The following LAMP1 variants were observed in gnomAD, a reference collection of about 807,000 sequenced individuals.
The protein encoded by LAMP1 is lysosome-associated membrane glycoprotein 1.
LAMP1 carries 7 observed loss-of-function variants against 37.5 expected under a neutral mutation model. The observed-to-expected ratio is 0.19, with a 90% CI of 0.11 to 0.35. The LOEUF is 0.35. Among genes scored for constraint, LAMP1 ranks in the 10% least tolerant of loss-of-function variants. The pLI is 1.00. For synonymous variants in LAMP1, 236 were observed against 229.1 expected, an observed-to-expected ratio of 1.03 and a Z score of -0.27; for missense variants, 537 against 552.8, an observed-to-expected ratio of 0.97 and a Z score of 0.29.
chr13:113,322,320 C>G lies in LAMP1; in HGVS notation c.1153C>G (p.Pro385Ala), dbSNP rs984064249. The G allele has an allele frequency of 6.2e-7, 1 of 1,613,782 alleles. No homozygotes were observed. The highest frequency in any genetic ancestry group is 8.5e-7 in the Non-Finnish European group (1 of 1,179,938). The change falls in exon 9 of 9, where the codon CCC (proline) becomes GCC (alanine). Residue 385 changes from proline to alanine, a missense_variant. Coordinates refer to ENST00000332556, the MANE Select transcript of LAMP1 (RefSeq NM_005561.4). ...GCTGGACGAGAACAGCATGCTGATC[C>G]CCATCGCTGTGGGTGGTGCCCTGGC... ...CLLDENSMLIPIAVGGALAGL... is the reference protein window; with the variant it reads ...CLLDENSMLIAIAVGGALAGL...
At chr13:113,310,930 G>A (rs887440030) in intron 4 of LAMP1, 63 bp downstream of exon 4, 48 of 1,416,144 alleles carry the variant, frequency 3.4e-5, no homozygotes, top group Non-Finnish European at 4.3e-5. Flanking sequence ...CAGTGGCTGC[G>A]GGTGACCTCA....
chr13:113,307,825 G>A (rs757676307), intron 2 of LAMP1, among the ~76,000 whole-genome samples: 75 of 149,562 alleles, frequency 5.0e-4, no homozygotes, highest in African/African-American at 1.4e-3. Context: ...CAGACATGGT[G>A]GAGTGTGCCT....
At position 113,322,334 on chromosome 13, in the gene LAMP1, T is replaced by C. The variant is rs1336691652; in HGVS notation, c.1167T>C (p.Gly389=). The change falls in exon 9 of 9, where the codon GGT becomes GGC. Residue 389 remains glycine (G), a synonymous_variant. Transcript: ENST00000332556. ...GCATGCTGATCCCCATCGCTGTGGG[T>C]GGTGCCCTGGCGGGGCTGGTCCTCA... ...ENSMLIPIAV[G]GALAGLVLIV... is the part of the protein sequence containing the mutation. 5 of 1,613,802 alleles carry C rather than the reference T, an allele frequency of 3.1e-6. No homozygotes were observed. Among genetic ancestry groups the C allele is most frequent in the Non-Finnish European group, 3.4e-6 (4 of 1,179,938 alleles).
rs2042618701 is a variant in LAMP1, at chr13:113,309,672, C to T, written c.213C>T (p.Ala71=). ...TGACCTTTGACCTGCCATCAGATGCCACAGTGGTGCTCAACCGCAGCTCCT... is the reference window on the plus strand; with the variant it reads ...TGACCTTTGACCTGCCATCAGATGCTACAGTGGTGCTCAACCGCAGCTCCT... ...KNMTFDLPSD[A]TVVLNRSSCG... Residue 71 remains alanine, a synonymous_variant, in exon 3 of 9, where the codon GCC becomes GCT. Transcript: ENST00000332556. The T allele has an allele frequency of 6.2e-7, 1 of 1,613,940 alleles. No homozygotes were observed. The highest frequency in any genetic ancestry group is 1.1e-5 in the South Asian group (1 of 91,076).
At chr13:113,315,458 C>T (rs188345537) in intron 4 of LAMP1, among the ~76,000 whole-genome samples, 150 of 135,448 alleles carry the variant, frequency 1.1e-3, no homozygotes, top group African/African-American at 3.8e-3. Context: ...GGTGCCATCT[C>T]GGCTCACTGC....
intron 4 of LAMP1, among the ~76,000 whole-genome samples, chr13:113,311,202 T>G (rs13378911): frequency 0.055 from 8,310 of 152,124 alleles, 623 homozygotes; most frequent in African/African-American, 0.16. Flanking sequence ...GGGCTGGGGT[T>G]AAGTTGGTCA....
intron 4 of LAMP1, among the ~76,000 whole-genome samples, chr13:113,318,788 C>G (rs1250966942): frequency 6.6e-6 from 1 of 152,072 alleles, no homozygotes; most frequent in East Asian, 1.9e-4. Context: ...TTGCCCATCC[C>G]CCACAGCCCC....
intron 4 of LAMP1, among the ~76,000 whole-genome samples, chr13:113,313,263 G>A (rs2042640970): frequency 6.6e-6 from 1 of 152,178 alleles, no homozygotes; most frequent in African/African-American, 2.4e-5. Context: ...AGGCTTCACA[G>A]GTCCAGAGAA....
chr13:113,306,477 A>C lies in LAMP1; in HGVS notation c.62-8A>C, dbSNP rs1595458337. On this transcript the variant is annotated splice_region_variant and splice_polypyrimidine_tract_variant and intron_variant, in intron 1 of 8. Transcript: ENST00000332556. ...TTTGATGGTCTCCGTCTTCCCTGGA[A>C]TTGACAGGCCTCATGCATTGTGCGT... 6.2e-7 allele frequency: 1 copy of C among 1,612,648 alleles called. No homozygotes were observed. Among genetic ancestry groups the C allele is most frequent in the East Asian group, 2.2e-5 (1 of 44,824 alleles).
In LAMP1 at chr13:113,320,558, G is replaced by C; in HGVS notation, c.876+88G>C. On this transcript the variant is annotated intron_variant, in intron 6 of 8. Transcript: ENST00000332556. The surrounding 1 kb of genome is among the most constrained non-coding windows in gnomAD (Gnocchi z 4.4). ...CCTGGGTCTGCTCATGGGAGGCAGC[G>C]TTAGGAAGGAGGCGGCCTCACTTTT... 1.4e-6 allele frequency: 2 copies of C among 1,444,964 alleles called. No individual in the cohort carries two copies. Among genetic ancestry groups the C allele is most frequent in the Non-Finnish European group, 1.9e-6 (2 of 1,067,284 alleles). The allele number at this position is 1,444,964 out of a possible 1,614,324, so 89.5% of individuals were successfully genotyped here. A position where few individuals can be genotyped will look rare whatever the true frequency, so the allele number is the denominator to read the frequency against.
chr13:113,300,099 C>T (rs968977378), intron 1 of LAMP1, among the ~76,000 whole-genome samples: 30 of 152,138 alleles, frequency 2.0e-4, no homozygotes, highest in Non-Finnish European at 2.9e-5. Flanking sequence ...GCTGTGATTG[C>T]GTAATGTGAC....
chr13:113,322,343 G>C lies in LAMP1; in HGVS notation c.1176G>C (p.Leu392=). ...MLIPIAVGGA[L]AGLVLIVLIA... ...TCCCCATCGCTGTGGGTGGTGCCCTGGCGGGGCTGGTCCTCATCGTCCTCA... is the reference window on the plus strand; with the variant it reads ...TCCCCATCGCTGTGGGTGGTGCCCTCGCGGGGCTGGTCCTCATCGTCCTCA... The change falls in exon 9 of 9, where the codon CTG becomes CTC. Residue 392 remains leucine, a synonymous_variant. Transcript: ENST00000332556. The C allele has an allele frequency of 6.2e-7, 1 of 1,605,982 alleles. No individual in the cohort carries two copies. The highest frequency in any genetic ancestry group is 1.3e-5 in the African/African-American group (1 of 74,624).
At chr13:113,322,005 C>T (rs1321696012) in intron 8 of LAMP1, 5 of 586,452 alleles carry the variant, frequency 8.5e-6, no homozygotes, top group Admixed American at 6.2e-5. Flanking sequence ...GAATACAACA[C>T]TGTCATCTGA....
intron 3 of LAMP1, among the ~76,000 whole-genome samples, chr13:113,310,218 G>T (rs948823757): frequency 1.3e-5 from 2 of 151,316 alleles, no homozygotes; most frequent in Non-Finnish European, 2.9e-5. Context: ...GACCAAGTGA[G>T]ACTGTCTCTA....
chr13:113,308,966 G>T (rs377199419), intron 2 of LAMP1, among the ~76,000 whole-genome samples: 4 of 152,230 alleles, frequency 2.6e-5, no homozygotes, highest in African/African-American at 9.6e-5. Flanking sequence ...TTATTTAAAT[G>T]AACATTTCTA....
In LAMP1 at chr13:113,320,717, T is replaced by C. The variant is rs1313027035; in HGVS notation, c.876+247T>C. On this transcript the variant is annotated intron_variant, in intron 6 of 8. Transcript: ENST00000332556. The surrounding 1 kb of genome is among the most constrained non-coding windows in gnomAD (Gnocchi z 4.4). ...GTTGGAGTGGCTGCAGGGGAGGGCA[T>C]GCAGGCCGTGCGGCCTTCTGGCTTC... is the stretch of plus-strand genomic sequence containing the variant. 4.0e-6 allele frequency: 2 copies of C among 504,060 alleles called. No individual in the cohort carries two copies. The highest frequency in any genetic ancestry group is 7.1e-6 in the Non-Finnish European group (2 of 281,816). 31.2% of individuals were successfully genotyped at this position (504,060 alleles called of 1,614,324 possible).
chr13:113,319,460 C>A lies in LAMP1; in HGVS notation c.563-9C>A. 6.3e-7 allele frequency: 1 copy of A among 1,598,494 alleles called. No individual in the cohort carries two copies. The highest frequency in any genetic ancestry group is 8.5e-7 in the Non-Finnish European group (1 of 1,170,318). Reference sequence around the variant, plus strand: ...CCCAGACCTGAATCTCCCTCCACTGCACCTGCAGAGACACGCTGTGAACAA... The same window carrying A: ...CCCAGACCTGAATCTCCCTCCACTGAACCTGCAGAGACACGCTGTGAACAA... On this transcript the variant is annotated splice_polypyrimidine_tract_variant and intron_variant, in intron 4 of 8. Coordinates refer to ENST00000332556, the MANE Select transcript of LAMP1 (RefSeq NM_005561.4).
intron 2 of LAMP1, among the ~76,000 whole-genome samples, chr13:113,308,685 A>T (rs2042613478): frequency 6.6e-6 from 1 of 152,036 alleles, no homozygotes; most frequent in Non-Finnish European, 1.5e-5. Context: ...TGGTGGTTGG[A>T]TTTTTTAAAT....
chr13:113,299,568 AT>A (rs373040979), intron 1 of LAMP1, among the ~76,000 whole-genome samples: 477 of 128,680 alleles, frequency 3.7e-3, no homozygotes, highest in African/African-American at 6.4e-3. Context: ...TGGCCCAAGA[AT>A]TTTTTTTTTT....
Sources: gnomAD v4.1 joint callset for allele counts (sites outside exome capture counted in the v4.1 genomes callset) on GRCh38, gnomAD v4.1.1 for gene constraint, Gnocchi (gnomAD v3.1) non-coding constraint, MANE v1.5 for transcripts, NCBI Gene and HGNC (gene_info 2026-07-23, HGNC 2026-07-21) for gene names.